The following CPS1 variants were observed in gnomAD, a reference collection of about 807,000 sequenced individuals.
CPS1 encodes carbamoyl-phosphate synthase [ammonia], mitochondrial.
CPS1 carries 109 observed loss-of-function variants against 174.6 expected under a neutral mutation model. The observed-to-expected ratio is 0.62, with a 90% CI of 0.53 to 0.73. CPS1 has a LOEUF of 0.73. Ranked by LOEUF, CPS1 falls within the 30% of genes least tolerant of loss-of-function variation. CPS1 has a pLI of 0.00. For missense variants in CPS1, 1,689 were observed against 1,821.9 expected, an observed-to-expected ratio of 0.93 and a Z score of 1.33; for synonymous variants, 637 against 632.0, an observed-to-expected ratio of 1.01 and a Z score of -0.12.
intron 16 of CPS1, among the ~76,000 whole-genome samples, chr2:210,603,169 A>T (rs2105844443): frequency 6.6e-6 from 1 of 152,078 alleles, no homozygotes; most frequent in East Asian, 1.9e-4. Context: ...TGTGTAACTT[A>T]CATGGCAGTC....
At chr2:210,650,060 T>C (rs1700511364) in intron 27 of CPS1, among the ~76,000 whole-genome samples, 1 of 152,298 alleles carries the variant, frequency 6.6e-6, no homozygotes, top group South Asian at 2.1e-4. Context: ...AGTGTTAATG[T>C]AGCAAATCAG....
In CPS1 at chr2:210,654,016, T is replaced by G. The variant is rs1296445054; in HGVS notation, c.3481-9T>G. On this transcript the variant is annotated splice_polypyrimidine_tract_variant and intron_variant, in intron 28 of 37. Transcript: ENST00000233072. ...AAATGTTCGGCTCCTCTGTTTTCCT[T>G]CGTGACAGGAGCACCCAGTGGTGCT... 6.2e-7 allele frequency: 1 copy of G among 1,613,038 alleles called. No individual in the cohort carries two copies. Among genetic ancestry groups the G allele is most frequent in the Non-Finnish European group, 8.5e-7 (1 of 1,179,114 alleles).
chr2:210,563,892 C>G (rs1415378716), intron 1 of CPS1, among the ~76,000 whole-genome samples: 3 of 152,274 alleles, frequency 2.0e-5, no homozygotes, highest in South Asian at 4.1e-4. Context: ...GTGTGACTCT[C>G]ATTAATAGCT....
At chr2:210,483,448 C>T in intron 1 of CPS1, among the ~76,000 whole-genome samples, 1 of 152,216 alleles carries the variant, frequency 6.6e-6, no homozygotes, top group Middle Eastern at 3.2e-3. Flanking sequence ...ATAGTTATCT[C>T]ACTGTTCCAA....
At chr2:210,535,764 C>T (rs773056389) in intron 1 of CPS1, among the ~76,000 whole-genome samples, 2 of 151,002 alleles carry the variant, frequency 1.3e-5, no homozygotes, top group Non-Finnish European at 2.9e-5. Context: ...ATAGCACTTT[C>T]TCTTTTTTAC....
At chr2:210,620,278 G>A (rs893759679) in intron 21 of CPS1, among the ~76,000 whole-genome samples, 1 of 152,028 alleles carries the variant, frequency 6.6e-6, no homozygotes, top group Non-Finnish European at 1.5e-5. Context: ...AACAATGATT[G>A]TAACTAGGTA....
intron 9 of CPS1, 85 bp from the exon 10 acceptor site, chr2:210,591,746 C>A: frequency 6.8e-7 from 1 of 1,466,864 alleles, no homozygotes; most frequent in Non-Finnish European, 9.4e-7. Flanking sequence ...ATAGGCTTTA[C>A]TTGTTCACTA....
chr2:210,599,277 T>C, intron 13 of CPS1, 95 bp from the exon 14 acceptor site: 1 of 1,174,902 alleles, frequency 8.5e-7, no homozygotes, highest in Non-Finnish European at 1.3e-6. Flanking sequence ...ACAGATAACC[T>C]AAAAGCTTAG....
rs138376228 is a variant in CPS1 at position 210,531,415 on chromosome 2, T to C, written c.4-25304T>C. ...AGGATTTCTGTTTCTTTGGTACTTA[T>C]TATTCCATGCCTACTGAAAAACTGA... On this transcript the variant is annotated intron_variant, in intron 1 of 38. Coordinates refer to the CPS1 transcript ENST00000430249. Among the ~76,000 whole-genome samples, 248 of 152,288 alleles carry C rather than the reference T, an allele frequency of 1.6e-3. 1 individual carries two copies. The highest frequency in any genetic ancestry group is 0.01 in the Middle Eastern group (3 of 294).
At chr2:210,567,122 C>T (rs188783482) in intron 1 of CPS1, among the ~76,000 whole-genome samples, 17 of 152,182 alleles carry the variant, frequency 1.1e-4, no homozygotes, top group Admixed American at 9.2e-4. Context: ...GGTCAATCTA[C>T]GTCTACCAGA....
chr2:210,647,187 A>T (rs1700405076), intron 25 of CPS1, among the ~76,000 whole-genome samples: 1 of 152,122 alleles, frequency 6.6e-6, no homozygotes, highest in Non-Finnish European at 1.5e-5. Context: ...GGCTGGAACT[A>T]AGGGGTAGCT....
intron 1 of CPS1, among the ~76,000 whole-genome samples, chr2:210,495,086 C>T (rs1014966580): frequency 6.6e-5 from 10 of 152,156 alleles, no homozygotes; most frequent in African/African-American, 2.4e-4. Context: ...AAAATGGATG[C>T]AAATATCAGT....
intron 31 of CPS1, 147 bp from the exon 32 acceptor site, chr2:210,660,338 A>G: frequency 1.3e-6 from 1 of 782,730 alleles, no homozygotes. Flanking sequence ...GAAAAATCCA[A>G]GCAGTAAGGA....
chr2:210,598,804 T>C (rs930219800), intron 13 of CPS1, among the ~76,000 whole-genome samples: 65 of 151,768 alleles, frequency 4.3e-4, no homozygotes, highest in Admixed American at 1.6e-3. Context: ...AAACAAATCA[T>C]TGAGGCAGAA....
At chr2:210,623,839 A>G (rs1699614640) in intron 21 of CPS1, among the ~76,000 whole-genome samples, 1 of 152,144 alleles carries the variant, frequency 6.6e-6, no homozygotes, top group Non-Finnish European at 1.5e-5. Context: ...CATGGCAAAA[A>G]TCAGGCAAGA....
At chr2:210,483,549 A>G (rs1447156007) in intron 1 of CPS1, among the ~76,000 whole-genome samples, 2 of 152,144 alleles carry the variant, frequency 1.3e-5, no homozygotes, top group East Asian at 3.9e-4. Context: ...CTGCCCAGGT[A>G]GCTCCAGCCA....
intron 1 of CPS1, among the ~76,000 whole-genome samples, chr2:210,541,610 C>G (rs1696434483): frequency 6.6e-6 from 1 of 152,026 alleles, no homozygotes; most frequent in Non-Finnish European, 1.5e-5. Flanking sequence ...AAGAGAAGTC[C>G]AAGGCCACAT....
intron 34 of CPS1, 42 bp downstream of exon 34, chr2:210,668,326 G>A (rs745554774): frequency 1.3e-5 from 17 of 1,324,732 alleles, no homozygotes; most frequent in Non-Finnish European, 1.9e-5. Context: ...GGTCATACAT[G>A]GTGAGTGGGG....
chr2:210,659,997 G>C (rs1047754582), intron 31 of CPS1, among the ~76,000 whole-genome samples: 9 of 152,186 alleles, frequency 5.9e-5, no homozygotes, highest in African/African-American at 1.9e-4. Flanking sequence ...CTGTAAAGGT[G>C]AGAAAAGAGC....
Sources: allele counts gnomAD v4.1 joint callset (sites outside exome capture counted in the v4.1 genomes callset), GRCh38; gene constraint gnomAD v4.1.1; transcripts MANE v1.5; gene names NCBI Gene and HGNC (gene_info 2026-07-23, HGNC 2026-07-21).